Variants in TRAF2 observed in about 807,000 individuals in gnomAD.
TRAF2 encodes the protein TNF receptor associated factor 2, also known as TNF receptor-associated factor 2.
In TRAF2, 6 loss-of-function variants were observed where a neutral mutation model predicts 55.6. The observed-to-expected ratio is 0.11, with a 90% CI of 0.06 to 0.21. TRAF2 has a LOEUF of 0.21. Ranked by LOEUF, TRAF2 falls within the 10% of genes least tolerant of loss-of-function variation. The pLI is 1.00. For missense variants in TRAF2, 561 were observed against 684.5 expected (o/e 0.82, Z 2.01); for synonymous variants, 329 against 276.3 (o/e 1.19, Z -1.89).
At chr9:136,887,207 G>T (rs1465611122) in intron 1 of TRAF2, among the ~76,000 whole-genome samples, 1 of 152,224 alleles carries the variant, frequency 6.6e-6, no homozygotes, top group East Asian at 1.9e-4. Flanking sequence ...ACCGGGCCGG[G>T]ATCGGGGCCG....
At chr9:136,906,844 T>C (rs1849965684) in intron 4 of TRAF2, among the ~76,000 whole-genome samples, 1 of 152,124 alleles carries the variant, frequency 6.6e-6, no homozygotes, top group African/African-American at 2.4e-5. Context: ...TCCGGCCCTC[T>C]CTCCCGTTAC....
At chr9:136,909,069 A>T (rs1210816415) in intron 5 of TRAF2, among the ~76,000 whole-genome samples, 1 of 152,098 alleles carries the variant, frequency 6.6e-6, no homozygotes, top group Non-Finnish European at 1.5e-5. Flanking sequence ...AATTTTTAAA[A>T]AAAGTTTGTT....
chr9:136,904,550 C>T (rs1254233436), intron 4 of TRAF2, among the ~76,000 whole-genome samples: 2 of 152,106 alleles, frequency 1.3e-5, no homozygotes, highest in Non-Finnish European at 2.9e-5. Context: ...GGACTACAGG[C>T]GCTCACCACC....
At chr9:136,882,100 C>A, upstream of TRAF2, 1 of 952,984 alleles carries the variant, frequency 1.0e-6, no homozygotes, top group Non-Finnish European at 1.2e-6. Context: ...CCGTGGGGGG[C>A]CCAGCTTGGA....
At chr9:136,883,171 G>T (rs1375241730), upstream of TRAF2, among the ~76,000 whole-genome samples, 1 of 148,774 alleles carries the variant, frequency 6.7e-6, no homozygotes, top group Admixed American at 6.7e-5. Flanking sequence ...TGCCCAGCCA[G>T]TTTTTTTTTT....
chr9:136,908,356 C>T, intron 5 of TRAF2, 125 bp downstream of exon 5: 2 of 1,094,032 alleles, frequency 1.8e-6, no homozygotes, highest in Non-Finnish European at 2.5e-6. Context: ...GGCCCTTTCC[C>T]TGGAGACACG....
At chr9:136,900,186 T>A (rs2784072) in intron 3 of TRAF2, among the ~76,000 whole-genome samples, 113,378 of 145,570 alleles carry the variant, frequency 0.78, 44,095 homozygotes, top group East Asian at 0.87. Flanking sequence ...AAAAAAAGAA[T>A]AAAGGGCCGC....
At position 136,900,470 on chromosome 9, in the gene TRAF2, G is replaced by A. The variant is rs551577118; in HGVS notation, c.316G>A (p.Val106Ile). ...ARREVESLPA[V>I]CPSDGCTWKG... The stretch of plus-strand genomic sequence containing the variant: ...CAGGGAGGTGGAGAGCCTGCCGGCC[G>A]TCTGTCCCAGTGATGGATGCACCTG... Residue 106 changes from valine to isoleucine, a missense_variant, in exon 4 of 11, where the codon GTC becomes ATC. This residue lies in a region of TRAF2 where 426 missense variants were observed against 476.8 expected (regional missense o/e 0.89). Coordinates refer to ENST00000247668, the MANE Select transcript of TRAF2 (RefSeq NM_021138.4). 809 of 1,613,000 alleles carry A rather than the reference G, an allele frequency of 5.0e-4. 5 individuals are homozygous for A. In the South Asian group the frequency reaches 6.9e-3, roughly 14 times the overall value.
chr9:136,886,495 G>A (rs7469255), upstream of TRAF2: 12 of 1,001,884 alleles, frequency 1.2e-5, no homozygotes, highest in Non-Finnish European at 1.3e-5. Flanking sequence ...GGCGTTGGGG[G>A]CGGTAGCTGG....
At chr9:136,892,535 C>T (rs1849601948) in intron 1 of TRAF2, among the ~76,000 whole-genome samples, 2 of 152,060 alleles carry the variant, frequency 1.3e-5, no homozygotes, top group South Asian at 2.1e-4. Context: ...TTTCTTTGTC[C>T]AAAGTGGATT....
At chr9:136,909,804 G>A in intron 5 of TRAF2, 116 bp from the exon 6 acceptor site, 1 of 1,012,882 alleles carries the variant, frequency 9.9e-7, no homozygotes, top group South Asian at 1.4e-5. Context: ...AGGCTGGAGG[G>A]TGACCACGTG....
intron 6 of TRAF2, among the ~76,000 whole-genome samples, chr9:136,915,428 C>T (rs1012946120): frequency 2.0e-5 from 3 of 152,020 alleles, no homozygotes; most frequent in Non-Finnish European, 2.9e-5. Flanking sequence ...TCCTCTGTAT[C>T]GGGGGTCCAC....
At chr9:136,889,532 C>T (rs1849530668) in intron 1 of TRAF2, 1 of 152,004 alleles carries the variant, frequency 6.6e-6, no homozygotes, top group South Asian at 2.1e-4. Flanking sequence ...GATCCACCTG[C>T]CTTGGCACTC....
intron 9 of TRAF2, 21 bp from the exon 10 acceptor site, chr9:136,923,831 G>GCACCCCTCCTGCCTCCCCAGC: frequency 1.2e-6 from 2 of 1,610,526 alleles, no homozygotes; most frequent in Non-Finnish European, 1.7e-6. Context: ...AGCTCACCAG[G>GCACCCCTCCTGCCTCCCCAGC]CACCCCTCCT....
At chr9:136,916,499 C>T (rs1850245120) in intron 6 of TRAF2, 42 bp from the exon 7 acceptor site, 2 of 1,601,098 alleles carry the variant, frequency 1.2e-6, no homozygotes, top group South Asian at 1.1e-5. Context: ...TGAAATGCAT[C>T]AGAACAGAGA....
upstream of TRAF2, among the ~76,000 whole-genome samples, chr9:136,885,040 G>A (rs1319352254): frequency 6.6e-6 from 1 of 152,216 alleles, no homozygotes; most frequent in Admixed American, 6.6e-5. Context: ...CAAACTCAGG[G>A]GTGATGACGT....
intron 1 of TRAF2, among the ~76,000 whole-genome samples, chr9:136,889,205 G>T (rs1217493174): frequency 6.8e-6 from 1 of 146,266 alleles, no homozygotes; most frequent in East Asian, 2.0e-4. Context: ...TTTTTTGTTT[G>T]TGTGGTTTTT....
intron 4 of TRAF2, among the ~76,000 whole-genome samples, chr9:136,906,316 A>G (rs548929469): frequency 4.9e-4 from 74 of 152,290 alleles, no homozygotes; most frequent in African/African-American, 1.8e-3. Flanking sequence ...TGGGTAGTTT[A>G]TAAAGAAAAA....
chr9:136,882,017 G>A (rs540928441), upstream of TRAF2: 14 of 985,156 alleles, frequency 1.4e-5, no homozygotes, highest in East Asian at 1.5e-3. Flanking sequence ...TGAGCAAGTG[G>A]ACTGCGGCTA....
Sources: gnomAD v4.1 joint callset for allele counts (sites outside exome capture counted in the v4.1 genomes callset) on GRCh38, gnomAD v4.1.1 for gene constraint, gnomAD v4.1.1 regional missense constraint, MANE v1.5 for transcripts, NCBI Gene and HGNC (gene_info 2026-07-23, HGNC 2026-07-21) for gene names.